The following AMZ2 variants were observed in gnomAD, a reference collection of about 807,000 sequenced individuals.
AMZ2 encodes archaelysin family metallopeptidase 2.
A neutral mutation model predicts 36.7 loss-of-function variants in AMZ2; 26 were observed. The ratio of observed to expected loss-of-function variants is 0.71; its 90% CI spans 0.52 to 0.98. The LOEUF is 0.98. Among genes scored for constraint, AMZ2 ranks in the 50% least tolerant of loss-of-function variants. The probability of loss-of-function intolerance (pLI) is 0.00; values close to 1 mark genes in which losing one functional copy is unlikely to be tolerated. For missense variants in AMZ2, 394 were observed against 430.5 expected (o/e 0.92, Z 0.75); for synonymous variants, 144 against 149.1 (o/e 0.97, Z 0.25).
chr17:68,255,933 C>A, intron 6 of AMZ2, 57 bp downstream of exon 6: 1 of 1,550,578 alleles, frequency 6.4e-7, no homozygotes, highest in Non-Finnish European at 8.8e-7. Context: ...AGTAGCAAAC[C>A]CATGTTTCTA....
At chr17:68,223,255 T>C (rs1295742738) in intron 1 of AMZ2, among the ~76,000 whole-genome samples, 1 of 152,070 alleles carries the variant, frequency 6.6e-6, no homozygotes, top group African/African-American at 2.4e-5. Context: ...CATAGTCAGT[T>C]TCGAAGACTG....
At chr17:68,241,867 G>T (rs2073907466) in intron 1 of AMZ2, among the ~76,000 whole-genome samples, 1 of 150,958 alleles carries the variant, frequency 6.6e-6, no homozygotes, top group South Asian at 2.1e-4. Context: ...GGGATTACAG[G>T]TGTGCACCAC....
At chr17:68,218,402 T>A (rs1440659287) in intron 1 of AMZ2, among the ~76,000 whole-genome samples, 1 of 152,152 alleles carries the variant, frequency 6.6e-6, no homozygotes. Context: ...GTTGCCAGGC[T>A]GGTCTCGAAC....
chr17:68,235,758 T>C lies in AMZ2; in HGVS notation c.-66-12882T>C, dbSNP rs1555732360. 6.6e-6 allele frequency among the ~76,000 whole-genome samples: 1 copy of C among 152,068 alleles called. No individual in the cohort carries two copies. The highest frequency in any genetic ancestry group is 2.4e-5 in the African/African-American group (1 of 41,402). On this transcript the variant is annotated intron_variant, in intron 1 of 7. Transcript: ENST00000674770. This position sits in a 1 kb window ranked among gnomAD's most constrained non-coding sequence, Gnocchi z 4.2. Reference sequence around the variant, plus strand: ...ACCCTGCTCTGCTGTGGCTTTTTGGTACGTGCTGTGCCCTCAGCCTGGGCT... The same window carrying C: ...ACCCTGCTCTGCTGTGGCTTTTTGGCACGTGCTGTGCCCTCAGCCTGGGCT...
chr17:68,218,359 TA>T (rs1948804477), intron 1 of AMZ2, among the ~76,000 whole-genome samples: 1 of 146,750 alleles, frequency 6.8e-6, no homozygotes, highest in Non-Finnish European at 1.5e-5. Context: ...CATTATGTTT[TA>T]TTTTTTTTTT....
Position 68,254,730 on chromosome 17 carries a change from A to T in AMZ2, c.750+163A>T, listed in dbSNP as rs138385208. 1.9e-3 allele frequency among the ~76,000 whole-genome samples: 291 copies of T among 152,338 alleles called. 1 individual carries two copies. Among genetic ancestry groups the T allele is most frequent in the African/African-American group, 6.7e-3 (278 of 41,570 alleles). ...TGAAATGATCAGTAAAACAATTTAAATGGATACCTTCATATTGAAATTTAC... is the reference window on the plus strand; with the variant it reads ...TGAAATGATCAGTAAAACAATTTAATTGGATACCTTCATATTGAAATTTAC... On this transcript the variant is annotated intron_variant, in intron 5 of 6. Coordinates refer to ENST00000359904, the MANE Select transcript of AMZ2 (RefSeq NM_016627.5).
chr17:68,208,092 T>A (rs1287228729), intron 1 of AMZ2, among the ~76,000 whole-genome samples: 4 of 152,092 alleles, frequency 2.6e-5, no homozygotes, highest in African/African-American at 9.7e-5. Context: ...TGCCTGAGCC[T>A]CCCCTGCCCC....
intron 1 of AMZ2, chr17:68,206,704 G>A (rs2072845254): frequency 6.6e-6 from 1 of 152,218 alleles, no homozygotes; most frequent in African/African-American, 2.4e-5. Flanking sequence ...ACTTAAAAGG[G>A]AATTAAGGGT....
chr17:68,249,380 A>T (rs1282874930), intron 1 of AMZ2: 2 of 162,068 alleles, frequency 1.2e-5, no homozygotes, highest in Non-Finnish European at 2.7e-5. Flanking sequence ...ATCACGGCCC[A>T]CTGCAGCCTC....
At chr17:68,247,999 C>T (rs549633619), upstream of AMZ2, 41 of 985,942 alleles carry the variant, frequency 4.2e-5, no homozygotes, top group Middle Eastern at 2.1e-3. Flanking sequence ...AGCGGCGCGG[C>T]GCGTGGCGTA....
In AMZ2 at chr17:68,235,566, G is replaced by A. The variant is rs1200684909; in HGVS notation, c.-66-13074G>A. The stretch of plus-strand genomic sequence containing the variant: ...CAAAGTAGGTTGGCTTCCCCCTTAC[G>A]GAGCCCCTATCCGGGACAGCCTCAA... On this transcript the variant is annotated intron_variant, in intron 1 of 7. Transcript: ENST00000674770. The surrounding 1 kb of genome is among the most constrained non-coding windows in gnomAD (Gnocchi z 4.2). 6.6e-6 allele frequency among the ~76,000 whole-genome samples: 1 copy of A among 152,094 alleles called. No individual in the cohort carries two copies. The highest frequency in any genetic ancestry group is 1.5e-5 in the Non-Finnish European group (1 of 68,010).
At chr17:68,231,983 G>A (rs2073674754) in intron 1 of AMZ2, among the ~76,000 whole-genome samples, 1 of 151,676 alleles carries the variant, frequency 6.6e-6, no homozygotes, top group Admixed American at 6.6e-5. Flanking sequence ...TATTTTTTTG[G>A]CAATTACAAA....
At chr17:68,219,467 A>T (rs1340273411) in intron 1 of AMZ2, among the ~76,000 whole-genome samples, 40 of 152,192 alleles carry the variant, frequency 2.6e-4, no homozygotes, top group South Asian at 2.1e-4. Context: ...TCTTTCTCTG[A>T]GTACTTATCC....
chr17:68,233,695 T>C lies in AMZ2; in HGVS notation c.-66-14945T>C, dbSNP rs190698058. Reference sequence around the variant, plus strand: ...AAGGGTGGTCCATTCTTTTATTTATTTTTTATTTTTAATTTATTTTTATTA... The same window carrying C: ...AAGGGTGGTCCATTCTTTTATTTATCTTTTATTTTTAATTTATTTTTATTA... On this transcript the variant is annotated intron_variant, in intron 1 of 7. Transcript: ENST00000674770. 5.3e-3 allele frequency among the ~76,000 whole-genome samples: 798 copies of C among 151,616 alleles called. 8 individuals carry two copies. The highest frequency in any genetic ancestry group is 0.01 in the Middle Eastern group (3 of 294).
chr17:68,240,099 C>T (rs2073870959), intron 1 of AMZ2, among the ~76,000 whole-genome samples: 1 of 152,170 alleles, frequency 6.6e-6, no homozygotes, highest in Admixed American at 6.5e-5. Context: ...GATCAAGGTG[C>T]TGATCTGGTG....
upstream of AMZ2, chr17:68,247,443 C>T (rs1322898471): frequency 3.6e-5 from 6 of 168,046 alleles, no homozygotes; most frequent in Admixed American, 2.0e-4. Context: ...GCCCTAATGC[C>T]GGCCCCGCGG....
At chr17:68,247,638 G>A, upstream of AMZ2, 2 of 985,498 alleles carry the variant, frequency 2.0e-6, no homozygotes, top group Non-Finnish European at 2.4e-6. Context: ...ACGTCAACCT[G>A]CGGCGGCCGC....
chr17:68,208,533 G>A (rs149462872), intron 1 of AMZ2, among the ~76,000 whole-genome samples: 3 of 152,308 alleles, frequency 2.0e-5, no homozygotes, highest in Non-Finnish European at 2.9e-5. Flanking sequence ...TCGGCTCTCT[G>A]TAAAATGGAC....
intron 1 of AMZ2, among the ~76,000 whole-genome samples, chr17:68,220,782 CTTTTTT>C (rs11298867): frequency 1.5e-5 from 2 of 131,838 alleles, no homozygotes; most frequent in Non-Finnish European, 3.2e-5. Context: ...TTTTCTTTCT[CTTTTTT>C]TTTTTTTTTT....
Sources: gnomAD v4.1 joint callset for allele counts (sites outside exome capture counted in the v4.1 genomes callset) on GRCh38, gnomAD v4.1.1 for gene constraint, Gnocchi (gnomAD v3.1) non-coding constraint, MANE v1.5 for transcripts, NCBI Gene and HGNC (gene_info 2026-07-23, HGNC 2026-07-21) for gene names.